DNAJC13: variants seen among roughly 807,000 people sequenced by gnomAD.
DNAJC13 encodes the protein dnaJ homolog subfamily C member 13.
A neutral mutation model predicts 290.5 loss-of-function variants in DNAJC13; 75 were observed. That is an observed-to-expected ratio of 0.26 (90% CI 0.21 to 0.31). The LOEUF is 0.31. Ranked by LOEUF, DNAJC13 falls within the 10% of genes least tolerant of loss-of-function variation. The probability of loss-of-function intolerance (pLI) is 1.00; values close to 1 mark genes in which losing one functional copy is unlikely to be tolerated. For synonymous variants in DNAJC13, 862 were observed against 892.0 expected, an observed-to-expected ratio of 0.97 and a Z score of 0.60; for missense variants, 2,260 against 2,674.5, an observed-to-expected ratio of 0.85 and a Z score of 3.42.
At chr3:132,440,213 C>T (rs963952084) in intron 2 of DNAJC13, among the ~76,000 whole-genome samples, 3 of 152,160 alleles carry the variant, frequency 2.0e-5, no homozygotes, top group South Asian at 2.1e-4. Flanking sequence ...GCTGAGATTA[C>T]GCCGCTACAC....
chr3:132,500,348 T>TA (rs1935370442), intron 38 of DNAJC13, among the ~76,000 whole-genome samples: 1 of 152,194 alleles, frequency 6.6e-6, no homozygotes, highest in African/African-American at 2.4e-5. Flanking sequence ...GTCCGTTGTG[T>TA]AAACAGAATT....
rs1251911130 is a variant in DNAJC13 at position 132,471,738 on chromosome 3, C to T, written c.2209-1407C>T. ...CTTCCTAGATGGGATGGCGGCCGGG[C>T]GGAGACGCTCCTCACTTTCCAGACT... is the stretch of plus-strand genomic sequence containing the variant. On this transcript the variant is annotated intron_variant, in intron 20 of 55. Transcript: ENST00000260818. Among the ~76,000 whole-genome samples the T allele has an allele frequency of 2.0e-4, 26 of 129,202 alleles. No individual in the cohort carries two copies. In the East Asian group the frequency reaches 5.3e-3, roughly 26 times the overall value. 84.8% of individuals were successfully genotyped at this position (129,202 alleles called of 152,430 possible). A position where few individuals can be genotyped will look rare whatever the true frequency, so the allele number is the denominator to read the frequency against.
intron 54 of DNAJC13, among the ~76,000 whole-genome samples, chr3:132,529,304 AT>A (rs1429068212): frequency 1.3e-5 from 2 of 152,156 alleles, no homozygotes; most frequent in Non-Finnish European, 2.9e-5. Flanking sequence ...TTGTACGTAA[AT>A]GCTCCAATTT....
intron 20 of DNAJC13, among the ~76,000 whole-genome samples, chr3:132,470,930 G>C (rs1298275740): frequency 7.7e-5 from 9 of 117,292 alleles, no homozygotes; most frequent in Non-Finnish European, 1.1e-4. Context: ...GCGGCTGGCC[G>C]GGCAGAGGGG....
intron 30 of DNAJC13, 93 bp from the exon 31 acceptor site, chr3:132,488,883 A>C: frequency 1.1e-6 from 1 of 896,610 alleles, no homozygotes; most frequent in Non-Finnish European, 1.7e-6. Context: ...TGTGAGTTTT[A>C]TTTAGCTATA....
At chr3:132,501,868 C>A (rs1041518423) in intron 39 of DNAJC13, among the ~76,000 whole-genome samples, 3 of 152,166 alleles carry the variant, frequency 2.0e-5, no homozygotes, top group African/African-American at 7.2e-5. Flanking sequence ...ACTATATCTA[C>A]TTAATGTCCT....
intron 48 of DNAJC13, among the ~76,000 whole-genome samples, chr3:132,519,943 T>G (rs1365104205): frequency 6.6e-6 from 1 of 152,192 alleles, no homozygotes; most frequent in Non-Finnish European, 1.5e-5. Flanking sequence ...ATGTCTCAAA[T>G]GGCAGCAGAT....
At chr3:132,418,391 C>G (rs989919788) in intron 1 of DNAJC13, among the ~76,000 whole-genome samples, 1 of 152,148 alleles carries the variant, frequency 6.6e-6, no homozygotes, top group Non-Finnish European at 1.5e-5. Flanking sequence ...AGGACTTAGA[C>G]GCTCAGTGAA....
chr3:132,430,120 T>C (rs530815480), intron 1 of DNAJC13, among the ~76,000 whole-genome samples: 70 of 152,256 alleles, frequency 4.6e-4, no homozygotes, highest in African/African-American at 1.6e-3. Flanking sequence ...TAATGTGTTA[T>C]ATCTTCTCAT....
At position 132,525,115 on chromosome 3, in the gene DNAJC13, C is replaced by T. The variant is rs189760303; in HGVS notation, c.6061-495C>T. On this transcript the variant is annotated intron_variant, in intron 51 of 55. Coordinates refer to ENST00000260818, the MANE Select transcript of DNAJC13 (RefSeq NM_015268.4). ...CAGCACTTTGGGAGGCCAAGGCGGGCGGATCACCTGAGGTCAGGAGTTCGA... is the reference window on the plus strand; with the variant it reads ...CAGCACTTTGGGAGGCCAAGGCGGGTGGATCACCTGAGGTCAGGAGTTCGA... Among the ~76,000 whole-genome samples, 29 of 152,158 alleles carry T rather than the reference C, an allele frequency of 1.9e-4. No individual in the cohort carries two copies. The East Asian group carries it at 3.9e-3, about 20-fold the overall frequency.
chr3:132,440,417 A>G (rs1376837042), intron 2 of DNAJC13, among the ~76,000 whole-genome samples: 1 of 152,282 alleles, frequency 6.6e-6, no homozygotes, highest in Non-Finnish European at 1.5e-5. Context: ...CTCATTAGCC[A>G]GGCACATAAG....
intron 55 of DNAJC13, among the ~76,000 whole-genome samples, chr3:132,536,571 C>T (rs1285287558): frequency 6.6e-6 from 1 of 152,168 alleles, no homozygotes; most frequent in East Asian, 1.9e-4. Context: ...ATCAGAATTG[C>T]TCAGAAACTA....
chr3:132,507,419 A>G, intron 43 of DNAJC13, 66 bp downstream of exon 43: 8 of 933,820 alleles, frequency 8.6e-6, no homozygotes, highest in Non-Finnish European at 1.4e-5. Flanking sequence ...TTACTAGTTT[A>G]TTCACACTTT....
intron 32 of DNAJC13, 131 bp from the exon 33 acceptor site, chr3:132,492,283 C>T (rs1458426049): frequency 1.1e-5 from 11 of 1,006,148 alleles, no homozygotes; most frequent in South Asian, 4.8e-5. Context: ...TATTTAAAAG[C>T]TCTCATTTTA....
At chr3:132,487,581 C>CTTTTTTTTTTTTTTTTTTTTTTTT (rs1934922655) in intron 29 of DNAJC13, among the ~76,000 whole-genome samples, 1 of 46,846 alleles carries the variant, frequency 2.1e-5, no homozygotes, top group African/African-American at 2.8e-4. Context: ...TTTTTTTTTA[C>CTTTTTTTTTTTTTTTTTTTTTTTT]TGGGAGCATT....
chr3:132,493,842 T>C (rs1037030330), intron 33 of DNAJC13, among the ~76,000 whole-genome samples: 1 of 151,998 alleles, frequency 6.6e-6, no homozygotes, highest in South Asian at 2.1e-4. Flanking sequence ...AAAGATAACA[T>C]GTAAAAAAAA....
chr3:132,520,171 C>A (rs950858530), intron 48 of DNAJC13, among the ~76,000 whole-genome samples: 3 of 152,172 alleles, frequency 2.0e-5, no homozygotes, highest in African/African-American at 2.4e-5. Context: ...ATATTCTATC[C>A]TTTGTGGGGC....
chr3:132,483,502 C>T lies in DNAJC13; in HGVS notation c.3107C>T (p.Ala1036Val). 6.2e-7 allele frequency: 1 copy of T among 1,614,130 alleles called. No homozygotes were observed. The highest frequency in any genetic ancestry group is 1.1e-5 in the South Asian group (1 of 91,082). ...TGGTGTCTCTTAGCCAGTGGACAGG[C>T]TGTCCTGAATGAAACTGACCTTGCT... Reference protein sequence around the residue: ...LKWCLLASGQAVLNETDLATL... With the variant: ...LKWCLLASGQVVLNETDLATL... Residue 1036 changes from alanine to valine, a missense_variant, in exon 28 of 56, where the codon GCT (alanine) becomes GTT (valine). By Grantham distance (64) the Ala-to-Val change is moderately conservative. Transcript: ENST00000260818.
intron 17 of DNAJC13, among the ~76,000 whole-genome samples, chr3:132,465,309 A>C (rs576060810): frequency 6.6e-6 from 1 of 152,250 alleles, no homozygotes; most frequent in East Asian, 1.9e-4. Context: ...TCCCCACCAA[A>C]GCACAGAAGG....
Sources: allele counts gnomAD v4.1 joint callset (sites outside exome capture counted in the v4.1 genomes callset), GRCh38; gene constraint gnomAD v4.1.1; transcripts MANE v1.5; gene names NCBI Gene and HGNC (gene_info 2026-07-23, HGNC 2026-07-21).